PLEC: variants seen among roughly 807,000 people sequenced by gnomAD.
PLEC encodes the protein hemidesmosomal protein 1.
PLEC carries 216 observed loss-of-function variants against 392.8 expected under a neutral mutation model. The observed-to-expected ratio is 0.55, with a 90% confidence interval of 0.49 to 0.62. PLEC has a LOEUF of 0.62. Ranked by LOEUF, PLEC falls within the 20% of genes least tolerant of loss-of-function variation. The probability of loss-of-function intolerance (pLI) is 0.00; values close to 1 mark genes in which losing one functional copy is unlikely to be tolerated. For missense variants in PLEC, 6,863 were observed against 6,563.4 expected (o/e 1.05, Z -1.58); for synonymous variants, 3,621 against 2,980.6 (o/e 1.21, Z -7.00).
intron 1 of PLEC, among the ~76,000 whole-genome samples, chr8:143,949,439 G>C (rs1554734064): frequency 6.6e-6 from 1 of 152,224 alleles, no homozygotes; most frequent in Non-Finnish European, 1.5e-5. Context: ...CTTGTGGACA[G>C]AGGGAGGCCA....
chr8:143,944,181 C>A (rs546359765), upstream of PLEC, among the ~76,000 whole-genome samples: 1 of 152,254 alleles, frequency 6.6e-6, no homozygotes, highest in Non-Finnish European at 1.5e-5. Flanking sequence ...GTTAGTTGGC[C>A]TTAACCCCTG....
upstream of PLEC, chr8:143,973,675 G>A (rs1371139290): frequency 1.3e-5 from 5 of 377,102 alleles, no homozygotes; most frequent in Non-Finnish European, 1.8e-5. The surrounding 1 kb of genome is among the most constrained non-coding windows in gnomAD (Gnocchi z 5.6). Flanking sequence ...CCTCCCGGCG[G>A]GCCGGTTCCG....
Position 143,932,515 on chromosome 8 carries a change from A to T in PLEC, c.1862T>A (p.Phe621Tyr). 6.2e-7 allele frequency: 1 copy of T among 1,612,610 alleles called. No homozygotes were observed. Among genetic ancestry groups the T allele is most frequent in the Non-Finnish European group, 8.5e-7 (1 of 1,179,946 alleles). Residue 621 changes from phenylalanine to tyrosine, a missense_variant, in exon 16 of 32, where the codon TTT becomes TAT. Phe to Tyr is a conservative substitution (Grantham distance 22). Coordinates refer to ENST00000345136, the MANE Select transcript of PLEC (RefSeq NM_201384.3). ...RLRSLESLHS[F>Y]VAAATKELMW... Reference sequence around the variant, plus strand: ...TAGCTCCTTAGTGGCGGCTGCCACAAAGCTGTGCAAGCTCTCCAGGGACCT... The same window carrying T: ...TAGCTCCTTAGTGGCGGCTGCCACATAGCTGTGCAAGCTCTCCAGGGACCT...
intron 1 of PLEC, among the ~76,000 whole-genome samples, chr8:143,967,084 C>T (rs939381622): frequency 1.6e-4 from 24 of 152,118 alleles, no homozygotes; most frequent in Admixed American, 1.0e-3. Flanking sequence ...CAGAATTAGG[C>T]CAGGCGCGGT....
At chr8:143,968,167 T>C (rs1374866915) in intron 1 of PLEC, among the ~76,000 whole-genome samples, 1 of 149,548 alleles carries the variant, frequency 6.7e-6, no homozygotes, top group African/African-American at 2.5e-5. Flanking sequence ...AAAGAAAACA[T>C]TGGTGTAAAG....
rs782228479 is a variant in PLEC at position 143,945,255 on chromosome 8, G to A, written c.523+4929C>T. On this transcript the variant is annotated intron_variant, in intron 1 of 31. Transcript: ENST00000322810. The stretch of plus-strand genomic sequence containing the variant: ...GCCCGAAACCAGGGCTCAGGCCTGC[G>A]CCTGCCCCACAGCACAGCCTCTCCT... 2.7e-5 allele frequency: 13 copies of A among 476,128 alleles called. 1 individual carries two copies. The highest frequency in any genetic ancestry group is 1.4e-4 in the East Asian group (2 of 13,890). The allele number at this position is 476,128 out of a possible 1,614,324, so 29.5% of individuals were successfully genotyped here.
At position 143,920,918 on chromosome 8, in the gene PLEC, T is replaced by C. The variant is rs782042775; in HGVS notation, c.8903A>G (p.Gln2968Arg). 7.4e-6 allele frequency: 12 copies of C among 1,612,618 alleles called. No individual in the cohort carries two copies. Among genetic ancestry groups the C allele is most frequent in the East Asian group, 2.2e-5 (1 of 44,894 alleles). The change falls in exon 32 of 32, where the codon CAG (glutamine) becomes CGG (arginine). Residue 2968 changes from glutamine to arginine, a missense_variant. Physicochemically the swap from Gln to Arg is conservative, Grantham distance 43. Transcript: ENST00000345136. ...IIITVVEEQE[Q>R]KGRLCFEGLR... is the part of the protein sequence containing the mutation. ...GCCCTCAAAGCAAAGCCGGCCCTTC[T>C]GCTCCTGCTCCTCCACCACCGTGAT...
upstream of PLEC, chr8:143,953,591 C>T: frequency 2.1e-6 from 2 of 965,612 alleles, no homozygotes; most frequent in South Asian, 1.4e-5. Context: ...GGGTCTCCTG[C>T]GGCTCTGGCT....
At position 143,925,218 on chromosome 8, in the gene PLEC, GCGCCGTCTC is replaced by G. The variant is rs1554701298; in HGVS notation, c.4702_4710del (p.Glu1568_Ala1570del). On this transcript the variant is annotated inframe_deletion, in exon 31 of 32. Transcript: ENST00000345136. The stretch of plus-strand genomic sequence containing the variant: ...TGCAGCTCCGCCTCTGCACTGCGCT[GCGCCGTCTC>G]CAGGGCCACCTGTACCTGCCGCGCT... The G allele has an allele frequency of 1.5e-5, 24 of 1,587,666 alleles. No individual in the cohort carries two copies. Among genetic ancestry groups the G allele is most frequent in the Non-Finnish European group, 1.8e-5 (21 of 1,175,194 alleles).
At chr8:143,952,202 ACACACACG>A (rs1368492022), upstream of PLEC, among the ~76,000 whole-genome samples, 20 of 125,716 alleles carry the variant, frequency 1.6e-4, no homozygotes, top group African/African-American at 6.9e-4. Flanking sequence ...ACACACACAC[ACACACACG>A]CGCGCACACA....
At chr8:143,954,069 C>T (rs1322127049), upstream of PLEC, 1 of 558,514 alleles carries the variant, frequency 1.8e-6, no homozygotes, top group Non-Finnish European at 3.0e-6. This position sits in a 1 kb window ranked among gnomAD's most constrained non-coding sequence, Gnocchi z 4.6. Context: ...GGACGGCCCA[C>T]TCCCCAGCTC....
intron 30 of PLEC, 133 bp from the exon 31 acceptor site, chr8:143,926,017 G>A (rs541099141): frequency 4.2e-5 from 44 of 1,051,102 alleles, no homozygotes; most frequent in East Asian, 2.6e-4. Flanking sequence ...GCCCCAGCCC[G>A]GCGGAGGAGA....
At chr8:143,957,842 C>A (rs186018811), upstream of PLEC, among the ~76,000 whole-genome samples, 397 of 151,522 alleles carry the variant, frequency 2.6e-3, 1 homozygote, top group African/African-American at 9.2e-3. Flanking sequence ...GGCAGCCTGC[C>A]CTGCTGGGGC....
Position 143,935,062 on chromosome 8 carries a change from C to A in PLEC, c.774G>T (p.Leu258=). 6.2e-7 allele frequency: 1 copy of A among 1,612,894 alleles called. No homozygotes were observed. The highest frequency in any genetic ancestry group is 2.2e-5 in the East Asian group (1 of 44,876). The change falls in exon 8 of 32, where the codon CTG becomes CTT. Residue 258 remains leucine, a synonymous_variant. Transcript: ENST00000345136. ...EKSIITYVSS[L]YDAMPRVPDV... ...CCGGCACGCGGGGCATGGCGTCATA[C>A]AGCGACGAGACGTAGGTGATGATGG...
In PLEC at chr8:143,925,555, G is replaced by A. The variant is rs1554703127; in HGVS notation, c.4374C>T (p.Arg1458=). The A allele has an allele frequency of 1.3e-6, 2 of 1,590,282 alleles. No individual in the cohort carries two copies. Among genetic ancestry groups the A allele is most frequent in the Admixed American group, 3.4e-5 (2 of 59,246 alleles). ...GGCGCTCGGTGGCCTCCAACTGCAG[G>A]CGCACCACGCGGATCTCCTCCTCGA... ...LRIEEEIRVV[R]LQLEATERQR... is the part of the protein sequence containing the mutation. Residue 1458 remains arginine (R), a synonymous_variant, in exon 31 of 32, where the codon CGC becomes CGT. Coordinates refer to ENST00000345136, the MANE Select transcript of PLEC (RefSeq NM_201384.3).
chr8:143,922,965 C>G lies in PLEC; in HGVS notation c.6964G>C (p.Ala2322Pro). ...TCCGCCTCAGCCTTGAGTCGCGTGG[C>G]CTCCTGCACCGCCTGCATCTTCTCC... ...LKEKMQAVQE[A>P]TRLKAEAELL... Residue 2322 changes from alanine (A) to proline (P), a missense_variant, in exon 31 of 32, where the codon GCC becomes CCC. By Grantham distance (27) the Ala-to-Pro change is conservative. Transcript: ENST00000345136. 1 of 1,610,856 alleles carries G rather than the reference C, an allele frequency of 6.2e-7. No homozygotes were observed. Among genetic ancestry groups the G allele is most frequent in the Non-Finnish European group, 8.5e-7 (1 of 1,179,048 alleles).
In PLEC at chr8:143,916,311, C is replaced by T. The variant is rs527486852; in HGVS notation, c.13510G>A (p.Gly4504Ser). ...CCGGAGCCGGTGGCGTCAAAGCTGCCGCGGCGGGAGCCGGCCCGGGAGCCG... is the reference window on the plus strand; with the variant it reads ...CCGGAGCCGGTGGCGTCAAAGCTGCTGCGGCGGGAGCCGGCCCGGGAGCCG... ...RTGSRAGSRRGSFDATGSGFS... is the reference protein window; with the variant it reads ...RTGSRAGSRRSSFDATGSGFS... The change falls in exon 32 of 32, where the codon GGC becomes AGC. Residue 4504 changes from glycine to serine, a missense_variant. Coordinates refer to ENST00000345136, the MANE Select transcript of PLEC (RefSeq NM_201384.3). 72 of 1,581,702 alleles carry T rather than the reference C, an allele frequency of 4.6e-5. No homozygotes were observed. Among genetic ancestry groups the T allele is most frequent in the Middle Eastern group, 1.9e-4 (1 of 5,300 alleles).
chr8:143,935,747 C>T (rs1554722622), intron 6 of PLEC, 101 bp downstream of exon 6: 6 of 1,323,546 alleles, frequency 4.5e-6, no homozygotes, highest in Admixed American at 3.8e-5. Context: ...CATCCCTGTT[C>T]CTCCTGCCCT....
At chr8:143,938,766 C>T (rs1554726030) in intron 1 of PLEC, 74 bp from the exon 2 acceptor site, 2 of 1,319,698 alleles carry the variant, frequency 1.5e-6, no homozygotes. Flanking sequence ...ACCGTGCAGA[C>T]ACAGCAGCCT....
Sources: gnomAD v4.1 joint callset for allele counts (sites outside exome capture counted in the v4.1 genomes callset) on GRCh38, gnomAD v4.1.1 for gene constraint, Gnocchi (gnomAD v3.1) non-coding constraint, MANE v1.5 for transcripts, NCBI Gene and HGNC (gene_info 2026-07-23, HGNC 2026-07-21) for gene names.